SCUBE3: variants seen among roughly 807,000 people sequenced by gnomAD.
SCUBE3 encodes the protein signal peptide, CUB and EGF-like domain-containing protein 3.
In SCUBE3, 33 loss-of-function variants were observed where a neutral mutation model predicts 116.8. The observed-to-expected ratio is 0.28, with a 90% confidence interval of 0.21 to 0.38. The LOEUF (loss-of-function observed/expected upper bound fraction) is 0.38, where lower values mean the gene tolerates loss of function less well. Among genes scored for constraint, SCUBE3 ranks in the 10% least tolerant of loss-of-function variants. The pLI, the probability that SCUBE3 is intolerant of heterozygous loss-of-function variation, is 1.00. For synonymous variants in SCUBE3, 418 were observed against 496.9 expected (o/e 0.84, Z 2.11); for missense variants, 1,007 against 1,324.8 (o/e 0.76, Z 3.72).
Position 35,219,989 on chromosome 6 carries a change from G to C in SCUBE3, c.85+5486G>C, listed in dbSNP as rs896091780. Among the ~76,000 whole-genome samples, 9 of 152,140 alleles carry C rather than the reference G, an allele frequency of 5.9e-5. No individual in the cohort carries two copies. Among genetic ancestry groups the C allele is most frequent in the African/African-American group, 2.2e-4 (9 of 41,420 alleles). On this transcript the variant is annotated intron_variant, in intron 1 of 21. Transcript: ENST00000274938. The surrounding 1 kb of genome is among the most constrained non-coding windows in gnomAD (Gnocchi z 4.7). ...CCCTCCCTGCCCACTACTCAGCCTT[G>C]CTCTCTTCTGCTGCTCCCATGCCCA...
Position 35,219,187 on chromosome 6 carries a change from G to A in SCUBE3, c.85+4684G>A, listed in dbSNP as rs1783035297. Among the ~76,000 whole-genome samples the A allele has an allele frequency of 6.6e-6, 1 of 152,160 alleles. No individual in the cohort carries two copies. Among genetic ancestry groups the A allele is most frequent in the Non-Finnish European group, 1.5e-5 (1 of 68,030 alleles). On this transcript the variant is annotated intron_variant, in intron 1 of 21. Transcript: ENST00000274938. This position sits in a 1 kb window ranked among gnomAD's most constrained non-coding sequence, Gnocchi z 4.7. ...AGTTCTTACTGTGTCCATGAAGTGG[G>A]TATTTATCCCTGGAAATAGCCCCTG...
At chr6:35,246,457 G>C (rs535610437) in intron 21 of SCUBE3, among the ~76,000 whole-genome samples, 172 bp downstream of exon 21, 1 of 152,308 alleles carries the variant, frequency 6.6e-6, no homozygotes, top group South Asian at 2.1e-4. Context: ...GGTATAGAGA[G>C]TTAAAGAACC....
chr6:35,214,633 G>T lies in SCUBE3; in HGVS notation c.85+130G>T, dbSNP rs530056385. ...TGTCAGAACCCGGCTCTGTGCACCC[G>T]GACTCCCCGGCCAGGGGCCCGACCG... On this transcript the variant is annotated intron_variant, in intron 1 of 21. Coordinates refer to ENST00000274938, the MANE Select transcript of SCUBE3 (RefSeq NM_152753.4). The surrounding 1 kb of genome is among the most constrained non-coding windows in gnomAD (Gnocchi z 6.3). 2.3e-5 allele frequency: 12 copies of T among 513,568 alleles called. No individual in the cohort carries two copies. In the South Asian group the frequency reaches 6.7e-4, roughly 29 times the overall value. 31.8% of individuals were successfully genotyped at this position (513,568 alleles called of 1,614,324 possible).
rs541460993 is a variant in SCUBE3, at chr6:35,246,275, A to T, written c.2822A>T (p.Glu941Val). The change falls in exon 21 of 22, where the codon GAG becomes GTG. Residue 941 changes from glutamate to valine, a missense_variant. Glu to Val is a moderately radical substitution (Grantham distance 121). Transcript: ENST00000274938. ...CTCTATGCCTCTGAAAACCACCAGG[A>T]GATTTTAAAGGTGAATGAATATTAA... is the stretch of plus-strand genomic sequence containing the variant. ...GRLYASENHQ[E>V]ILKDKKLIKA... 1.2e-6 allele frequency: 2 copies of T among 1,609,194 alleles called. No homozygotes were observed. The highest frequency in any genetic ancestry group is 1.7e-6 in the Non-Finnish European group (2 of 1,175,474).
At chr6:35,237,373 A>T (rs1216375366) in intron 6 of SCUBE3, among the ~76,000 whole-genome samples, 2 of 152,152 alleles carry the variant, frequency 1.3e-5, no homozygotes, top group Non-Finnish European at 2.9e-5. Context: ...GGCAGCGGGG[A>T]AGGGGAAGAT....
rs143548233 is a variant in SCUBE3 at position 35,227,644 on chromosome 6, G to T, written c.150G>T (p.Pro50=). 1.1e-5 allele frequency: 18 copies of T among 1,613,986 alleles called. No individual in the cohort carries two copies. The African/African-American group carries it at 1.9e-4, about 17-fold the overall frequency. ...TCGATGCTATCTGCCAGAACACCCC[G>T]AGGTCATACAAGTGCATCTGCAAGT... ...CHIDAICQNT[P]RSYKCICKSG... The change falls in exon 2 of 22, where the codon CCG becomes CCT. Residue 50 remains proline (P), a synonymous_variant. Coordinates refer to ENST00000274938, the MANE Select transcript of SCUBE3 (RefSeq NM_152753.4).
At position 35,248,786 on chromosome 6, in the gene SCUBE3, A is replaced by G; in HGVS notation, c.*81A>G. 2.7e-6 allele frequency: 3 copies of G among 1,092,710 alleles called. No individual in the cohort carries two copies. In the South Asian group the frequency reaches 4.3e-5, roughly 16 times the overall value. The allele number at this position is 1,092,710 out of a possible 1,614,324, so 67.7% of individuals were successfully genotyped here. A position where few individuals can be genotyped will look rare whatever the true frequency, so the allele number is the denominator to read the frequency against. On this transcript the variant is annotated 3_prime_UTR_variant, in exon 22 of 22. Coordinates refer to ENST00000274938, the MANE Select transcript of SCUBE3 (RefSeq NM_152753.4). ...AGCCGGCAGCCCCCTACCCTCAGAC[A>G]AGGAACTCTCTCCTCTCTTTTTGGA...
chr6:35,242,481 C>T, intron 13 of SCUBE3, 141 bp from the exon 14 acceptor site: 1 of 917,144 alleles, frequency 1.1e-6, no homozygotes, highest in Middle Eastern at 2.5e-4. Flanking sequence ...CCAGAATATT[C>T]CCCTCCACCA....
chr6:35,221,459 T>C (rs1581910441), intron 1 of SCUBE3: 2 of 152,352 alleles, frequency 1.3e-5, no homozygotes, highest in East Asian at 3.9e-4. Context: ...TGAGGTAACA[T>C]AGAGCAGAAG....
Position 35,243,745 on chromosome 6 carries a change from C to A in SCUBE3, c.2061C>A (p.Thr687=), listed in dbSNP as rs762953543. Residue 687 remains threonine (T), a synonymous_variant, in exon 16 of 22, where the codon ACC becomes ACA. Coordinates refer to ENST00000274938, the MANE Select transcript of SCUBE3 (RefSeq NM_152753.4). This position sits in a 1 kb window ranked among gnomAD's most constrained non-coding sequence, Gnocchi z 6.6. ...GGCCTCTTGGAGCCACCAACGTCAC[C>A]ACGTGTGCAGGTGCCAGGGGAACAA... is the stretch of plus-strand genomic sequence containing the variant. The part of the protein sequence containing the change: ...AHGPLGATNV[T]TCAGQCPPGQ... The A allele has an allele frequency of 6.2e-7, 1 of 1,613,972 alleles. No homozygotes were observed. The highest frequency in any genetic ancestry group is 8.5e-7 in the Non-Finnish European group (1 of 1,179,900).
In SCUBE3 at chr6:35,239,615, CAG is replaced by C. The variant is rs1021608459; in HGVS notation, c.830-129_830-128del. On this transcript the variant is annotated intron_variant, in intron 7 of 21. Transcript: ENST00000274938. This position sits in a 1 kb window ranked among gnomAD's most constrained non-coding sequence, Gnocchi z 4.1. ...GACAGGAAAGAGAAAGAGAAAGAGA[CAG>C]AGAGAGATCAAGAAGAGGCAGGCCC... is the stretch of plus-strand genomic sequence containing the variant. 9 of 723,586 alleles carry C rather than the reference CAG, an allele frequency of 1.2e-5. No homozygotes were observed. Among genetic ancestry groups the C allele is most frequent in the Non-Finnish European group, 2.1e-5 (9 of 428,326 alleles). The allele number at this position is 723,586 out of a possible 1,614,324, so 44.8% of individuals were successfully genotyped here.
intron 7 of SCUBE3, among the ~76,000 whole-genome samples, chr6:35,238,759 A>G (rs1447300631): frequency 5.3e-5 from 8 of 152,192 alleles, no homozygotes; most frequent in Non-Finnish European, 1.2e-4. Context: ...ATGGGGGGAA[A>G]GGGTGGAGGA....
chr6:35,242,595 C>T (rs1313269169), intron 13 of SCUBE3, 27 bp from the exon 14 acceptor site: 2 of 1,597,226 alleles, frequency 1.3e-6, no homozygotes, highest in Non-Finnish European at 8.6e-7. Flanking sequence ...GGGGATGTCC[C>T]TGGGGTTGAC....
Position 35,241,571 on chromosome 6 carries a change from G to T in SCUBE3, c.1224G>T (p.Gly408=). ...CACTGAAGTGTCAGGGCAGTCCTGG[G>T]GCCTCGAAAGCCATGCTCAGCTGCA... ...TEPLKCQGSP[G]ASKAMLSCNR... The change falls in exon 11 of 22, where the codon GGG becomes GGT. Residue 408 remains glycine, a synonymous_variant. Transcript: ENST00000274938. The surrounding 1 kb of genome is among the most constrained non-coding windows in gnomAD (Gnocchi z 4.1). 1 of 1,614,094 alleles carries T rather than the reference G, an allele frequency of 6.2e-7. No homozygotes were observed. The highest frequency in any genetic ancestry group is 8.5e-7 in the Non-Finnish European group (1 of 1,179,946).
Position 35,251,646 on chromosome 6 carries a change from G to C in SCUBE3, c.*2941G>C, listed in dbSNP as rs574850970. On this transcript the variant is annotated 3_prime_UTR_variant, in exon 22 of 22. Coordinates refer to ENST00000274938, the MANE Select transcript of SCUBE3 (RefSeq NM_152753.4). Reference sequence around the variant, plus strand: ...TCCATGGCTTATGAGACCTGCAAATGAGTTCCACAGTACGGAAGGCATAGA... The same window carrying C: ...TCCATGGCTTATGAGACCTGCAAATCAGTTCCACAGTACGGAAGGCATAGA... 3 of 152,198 alleles carry C rather than the reference G, an allele frequency of 2.0e-5. No homozygotes were observed. The highest frequency in any genetic ancestry group is 1.9e-4 in the East Asian group (1 of 5,196). 9.4% of individuals were successfully genotyped at this position (152,198 alleles called of 1,614,324 possible).
In SCUBE3 at chr6:35,245,304, T is replaced by G; in HGVS notation, c.2478T>G (p.Ala826=). Reference sequence around the variant, plus strand: ...CCAACTACCCGGGCAACTACCCAGCTGGTGTGGAGTGCATCTGGAACATCA... The same window carrying G: ...CCAACTACCCGGGCAACTACCCAGCGGGTGTGGAGTGCATCTGGAACATCA... ...ESPNYPGNYP[A]GVECIWNINP... is the part of the protein sequence containing the mutation. Residue 826 remains alanine (A), a synonymous_variant, in exon 19 of 22, where the codon GCT becomes GCG. Coordinates refer to ENST00000274938, the MANE Select transcript of SCUBE3 (RefSeq NM_152753.4). This position sits in a 1 kb window ranked among gnomAD's most constrained non-coding sequence, Gnocchi z 4.2. The G allele has an allele frequency of 1.2e-6, 2 of 1,614,148 alleles. No homozygotes were observed. The highest frequency in any genetic ancestry group is 1.7e-6 in the Non-Finnish European group (2 of 1,179,990).
Position 35,233,300 on chromosome 6 carries a change from C to T in SCUBE3, c.711C>T (p.Ile237=), listed in dbSNP as rs752176565. 18 of 1,293,750 alleles carry T rather than the reference C, an allele frequency of 1.4e-5. No homozygotes were observed. Among genetic ancestry groups the T allele is most frequent in the South Asian group, 4.7e-5 (4 of 85,222 alleles). The allele number at this position is 1,293,750 out of a possible 1,614,324, so 80.1% of individuals were successfully genotyped here. A position where few individuals can be genotyped will look rare whatever the true frequency, so the allele number is the denominator to read the frequency against. The change falls in exon 6 of 22, where the codon ATC becomes ATT. Residue 237 remains isoleucine, a splice_region_variant and synonymous_variant. Coordinates refer to ENST00000274938, the MANE Select transcript of SCUBE3 (RefSeq NM_152753.4). This position sits in a 1 kb window ranked among gnomAD's most constrained non-coding sequence, Gnocchi z 5.7. The part of the protein sequence containing the change: ...FVLHTDGKTC[I]ETCAVNNGGC... Reference sequence around the variant, plus strand: ...TCCATACCGACGGGAAGACATGCATCGGTGGGTGAGGCCAGGGGAGAACTC... The same window carrying T: ...TCCATACCGACGGGAAGACATGCATTGGTGGGTGAGGCCAGGGGAGAACTC...
chr6:35,227,481 T>C, intron 1 of SCUBE3, 99 bp from the exon 2 acceptor site: 1 of 1,328,412 alleles, frequency 7.5e-7, no homozygotes, highest in Non-Finnish European at 1.1e-6. Flanking sequence ...CTGCCTCTGT[T>C]TTAGAGAAGA....
At position 35,241,869 on chromosome 6, in the gene SCUBE3, C is replaced by T; in HGVS notation, c.1376C>T (p.Ala459Val). The T allele has an allele frequency of 1.9e-6, 3 of 1,611,912 alleles. No homozygotes were observed. Among genetic ancestry groups the T allele is most frequent in the African/African-American group, 1.3e-5 (1 of 75,054 alleles). ...TPSPRAAPAR[A>V]GHNGNSTNSN... ...AGCCCCAGGGCTGCTCCAGCCCGAG[C>T]TGGCCACAATGGGAACAGCACCAAC... Residue 459 changes from alanine (A) to valine (V), a missense_variant, in exon 12 of 22, where the codon GCT becomes GTT. Physicochemically the swap from Ala to Val is moderately conservative, Grantham distance 64 (BLOSUM62 0). Coordinates refer to ENST00000274938, the MANE Select transcript of SCUBE3 (RefSeq NM_152753.4). This position sits in a 1 kb window ranked among gnomAD's most constrained non-coding sequence, Gnocchi z 4.1.
Sources: gnomAD v4.1 joint callset for allele counts (sites outside exome capture counted in the v4.1 genomes callset) on GRCh38, gnomAD v4.1.1 for gene constraint, Gnocchi (gnomAD v3.1) non-coding constraint, MANE v1.5 for transcripts, NCBI Gene and HGNC (gene_info 2026-07-23, HGNC 2026-07-21) for gene names.